The following COX10 variants were observed in gnomAD, a reference collection of about 807,000 sequenced individuals.
COX10 encodes the protein protoheme IX farnesyltransferase, mitochondrial.
In COX10, 27 loss-of-function variants were observed where a neutral mutation model predicts 37.3. That is an observed-to-expected ratio of 0.72 (90% CI 0.53 to 1.00). COX10 has a LOEUF of 1.00. Ranked by LOEUF, COX10 falls within the 50% of genes least tolerant of loss-of-function variation. The pLI, the probability that COX10 is intolerant of heterozygous loss-of-function variation, is 0.00. For missense variants in COX10, 475 were observed against 563.2 expected (o/e 0.84, Z 1.59); for synonymous variants, 222 against 229.1 (o/e 0.97, Z 0.28).
In COX10 at chr17:14,069,575, A is replaced by C. The variant is rs1597488256; in HGVS notation, c.-31A>C. 6.2e-7 allele frequency: 1 copy of C among 1,613,452 alleles called. No individual in the cohort carries two copies. Among genetic ancestry groups the C allele is most frequent in the Non-Finnish European group, 8.5e-7 (1 of 1,179,892 alleles). On this transcript the variant is annotated 5_prime_UTR_variant, in exon 1 of 7. Coordinates refer to ENST00000261643, the MANE Select transcript of COX10 (RefSeq NM_001303.4). ...TCCCGTGAGGAGAGAGGACACAGGGATCCCGGGGAGCGGCCCCAGACTCGT... is the reference window on the plus strand; with the variant it reads ...TCCCGTGAGGAGAGAGGACACAGGGCTCCCGGGGAGCGGCCCCAGACTCGT...
At chr17:14,203,205 G>A (rs900836036) in intron 6 of COX10, among the ~76,000 whole-genome samples, 5 of 151,968 alleles carry the variant, frequency 3.3e-5, no homozygotes, top group African/African-American at 1.2e-4. Context: ...AATTGAGTGT[G>A]TTTGCATGAG....
intron 4 of COX10, among the ~76,000 whole-genome samples, chr17:14,123,806 T>A (rs1409430781): frequency 6.6e-6 from 1 of 152,226 alleles, no homozygotes. Flanking sequence ...GTGGAAGGGC[T>A]ACCAATATGA....
rs116664142 is a variant in COX10 at position 14,147,714 on chromosome 17, A to G, written c.625-12163A>G. Among the ~76,000 whole-genome samples, 576 of 152,066 alleles carry G rather than the reference A, an allele frequency of 3.8e-3. 24 individuals carry two copies. The highest frequency in any genetic ancestry group is 0.013 in the African/African-American group (553 of 41,360). ...CCATTTTCCATGATGTGACTATTATACATTGCATGACGGTATCAGAATATC... is the reference window on the plus strand; with the variant it reads ...CCATTTTCCATGATGTGACTATTATGCATTGCATGACGGTATCAGAATATC... On this transcript the variant is annotated intron_variant, in intron 4 of 6. Coordinates refer to ENST00000261643, the MANE Select transcript of COX10 (RefSeq NM_001303.4).
At chr17:14,099,812 C>G (rs765326955) in intron 3 of COX10, among the ~76,000 whole-genome samples, 7 of 152,008 alleles carry the variant, frequency 4.6e-5, no homozygotes, top group Non-Finnish European at 8.8e-5. Flanking sequence ...CATATTTCGT[C>G]TGCGTTCTTT....
At chr17:14,184,421 T>C (rs1380243311) in intron 5 of COX10, among the ~76,000 whole-genome samples, 1 of 152,204 alleles carries the variant, frequency 6.6e-6, no homozygotes, top group African/African-American at 2.4e-5. Flanking sequence ...TTAAAGTATT[T>C]TAAAAACATA....
intron 4 of COX10, among the ~76,000 whole-genome samples, chr17:14,154,489 C>T (rs1904990134): frequency 6.6e-6 from 1 of 152,114 alleles, no homozygotes; most frequent in Non-Finnish European, 1.5e-5. Flanking sequence ...TAAATTGCAA[C>T]CACACACCTC....
intron 5 of COX10, among the ~76,000 whole-genome samples, chr17:14,165,868 G>A (rs1442280156): frequency 6.6e-6 from 1 of 152,174 alleles, no homozygotes; most frequent in East Asian, 1.9e-4. Flanking sequence ...GAATGTTTTA[G>A]CAATCTGGCT....
intron 5 of COX10, among the ~76,000 whole-genome samples, chr17:14,161,056 G>C (rs1422296402): frequency 6.6e-6 from 1 of 152,142 alleles, no homozygotes; most frequent in Non-Finnish European, 1.5e-5. Flanking sequence ...CCCTCCTTTA[G>C]AACCAGGGAA....
At chr17:14,101,589 G>A (rs1464938617) in intron 3 of COX10, among the ~76,000 whole-genome samples, 1 of 152,124 alleles carries the variant, frequency 6.6e-6, no homozygotes, top group Non-Finnish European at 1.5e-5. Context: ...TGGCTTGTAG[G>A]ATTATCATCT....
chr17:14,069,762 G>A, intron 1 of COX10, 114 bp downstream of exon 1: 2 of 1,295,660 alleles, frequency 1.5e-6, no homozygotes, highest in Non-Finnish European at 2.2e-6. Flanking sequence ...AGGTTGGCCG[G>A]CCACCGGTGT....
intron 5 of COX10, among the ~76,000 whole-genome samples, chr17:14,165,625 T>C (rs1905264609): frequency 1.3e-5 from 2 of 152,218 alleles, no homozygotes; most frequent in African/African-American, 4.8e-5. Flanking sequence ...GCCTTGTGTG[T>C]GCAAGTGAAA....
At chr17:14,160,626 A>G (rs980673713) in intron 5 of COX10, among the ~76,000 whole-genome samples, 2 of 152,246 alleles carry the variant, frequency 1.3e-5, no homozygotes, top group Non-Finnish European at 2.9e-5. Flanking sequence ...CTTAAAATTT[A>G]TTGTGATAAC....
Position 14,076,952 on chromosome 17 carries a change from A to T in COX10, c.395A>T (p.Asp132Val), listed in dbSNP as rs755221537. 4.3e-6 allele frequency: 7 copies of T among 1,614,100 alleles called. No individual in the cohort carries two copies. The highest frequency in any genetic ancestry group is 2.7e-5 in the African/African-American group (2 of 74,944). ...EPDSVIEDSI[D>V]VGKETKEEKR... is the part of the protein sequence containing the mutation. The stretch of plus-strand genomic sequence containing the variant: ...GACTCAGTAATTGAAGACTCAATAG[A>T]TGTAGGGAAAGAGACAAAAGAGGAA... The change falls in exon 3 of 7, where the codon GAT becomes GTT. Residue 132 changes from aspartate (D) to valine (V), a missense_variant. Physicochemically the swap from Asp to Val is radical, Grantham distance 152. Coordinates refer to ENST00000261643, the MANE Select transcript of COX10 (RefSeq NM_001303.4).
chr17:14,107,681 AC>A (rs1915925288), intron 4 of COX10, among the ~76,000 whole-genome samples: 1 of 152,014 alleles, frequency 6.6e-6, no homozygotes, highest in African/African-American at 2.4e-5. Flanking sequence ...ACACACACAC[AC>A]ACACACACAC....
intron 5 of COX10, among the ~76,000 whole-genome samples, chr17:14,185,515 C>T (rs989433284): frequency 6.6e-6 from 1 of 152,040 alleles, no homozygotes; most frequent in Non-Finnish European, 1.5e-5. Context: ...AGATAGATCT[C>T]TTGATTAAAA....
chr17:14,124,783 A>G (rs1017895262), intron 4 of COX10, among the ~76,000 whole-genome samples: 15 of 152,212 alleles, frequency 9.9e-5, no homozygotes, highest in Middle Eastern at 3.4e-3. Context: ...TCCTTCCCCT[A>G]TAAGATGGAC....
At chr17:14,202,771 G>T (rs866524537) in intron 6 of COX10, among the ~76,000 whole-genome samples, 2 of 133,564 alleles carry the variant, frequency 1.5e-5, no homozygotes, top group Non-Finnish European at 3.1e-5. Context: ...TCCCCCCTGC[G>T]CTGGGGGAAG....
intron 2 of COX10, among the ~76,000 whole-genome samples, chr17:14,075,978 C>T (rs992019469): frequency 1.7e-5 from 2 of 114,882 alleles, no homozygotes; most frequent in Non-Finnish European, 3.4e-5. Context: ...GGCAACAGAG[C>T]GAGGCTCCAT....
chr17:14,191,418 C>T (rs577237056), intron 5 of COX10, among the ~76,000 whole-genome samples: 41 of 151,754 alleles, frequency 2.7e-4, no homozygotes, highest in African/African-American at 8.9e-4. Flanking sequence ...TCATTACAGA[C>T]GTTGTAATGA....
Sources: allele counts gnomAD v4.1 joint callset (sites outside exome capture counted in the v4.1 genomes callset), GRCh38; gene constraint gnomAD v4.1.1; transcripts MANE v1.5; gene names NCBI Gene and HGNC (gene_info 2026-07-23, HGNC 2026-07-21).